SET: variants seen among roughly 807,000 people sequenced by gnomAD.
The protein encoded by SET is protein SET.
SET carries 4 observed loss-of-function variants against 39.0 expected under a neutral mutation model. That is an observed-to-expected ratio of 0.10 (90% CI 0.05 to 0.23). The LOEUF (loss-of-function observed/expected upper bound fraction) is 0.23. Ranked by LOEUF, SET falls within the 10% of genes least tolerant of loss-of-function variation. The pLI is 1.00. For synonymous variants in SET, 114 were observed against 115.9 expected (o/e 0.98, Z 0.11); for missense variants, 137 against 329.7 (o/e 0.42, Z 4.53).
intron 1 of SET, chr9:128,684,153 TGAA>T (rs1861209854): frequency 1.5e-6 from 1 of 660,188 alleles, no homozygotes; most frequent in East Asian, 2.9e-5. Flanking sequence ...TAAGTTTGCG[TGAA>T]GAACCAGAAG....
In SET at chr9:128,692,732, T is replaced by C. The variant is rs1263761401; in HGVS notation, c.345T>C (p.Phe115=). The change falls in exon 4 of 8, where the codon TTT becomes TTC. Residue 115 remains phenylalanine, a synonymous_variant. Coordinates refer to ENST00000322030, the MANE Select transcript of SET (RefSeq NM_003011.4). ...HYLTRVEVTE[F]EDIKSGYRID... ...TGACCAGAGTTGAAGTGACAGAATT[T>C]GAAGATATTAAATCAGGTTACAGAA... 2.5e-6 allele frequency: 4 copies of C among 1,610,986 alleles called. No individual in the cohort carries two copies. The South Asian group carries it at 4.4e-5, about 18-fold the overall frequency.
chr9:128,684,030 A>G (rs746524540), intron 1 of SET: 2 of 1,506,878 alleles, frequency 1.3e-6, no homozygotes, highest in Middle Eastern at 1.7e-4. Flanking sequence ...GCTAAGTTTT[A>G]TTGGAGATTT....
At position 128,691,165 on chromosome 9, in the gene SET, T is replaced by G; in HGVS notation, c.74-5T>G. ...AGAATTAAGTTTTTTGCTCCTTTTTTGCAGAAAAAGAACAGCAAGAAGCGA... is the reference window on the plus strand; with the variant it reads ...AGAATTAAGTTTTTTGCTCCTTTTTGGCAGAAAAAGAACAGCAAGAAGCGA... On this transcript the variant is annotated splice_polypyrimidine_tract_variant and splice_region_variant and intron_variant, in intron 1 of 7. Coordinates refer to ENST00000322030, the MANE Select transcript of SET (RefSeq NM_003011.4). The G allele has an allele frequency of 6.2e-7, 1 of 1,603,070 alleles. No homozygotes were observed. Among genetic ancestry groups the G allele is most frequent in the Non-Finnish European group, 8.5e-7 (1 of 1,174,794 alleles).
rs1343441522 is a variant in SET at position 128,689,412 on chromosome 9, G to A, written c.-171G>A. 1 of 821,090 alleles carries A rather than the reference G, an allele frequency of 1.2e-6. No homozygotes were observed. The highest frequency in any genetic ancestry group is 1.5e-6 in the Non-Finnish European group (1 of 645,800). 50.9% of individuals were successfully genotyped at this position (821,090 alleles called of 1,614,324 possible). A position where few individuals can be genotyped will look rare whatever the true frequency, so the allele number is the denominator to read the frequency against. ...CCGTCCCTCGGCGTCAGGCCGCGAGGGTAGCGCGCGCGAGCGAGCGAGGGG... is the reference window on the plus strand; with the variant it reads ...CCGTCCCTCGGCGTCAGGCCGCGAGAGTAGCGCGCGCGAGCGAGCGAGGGG... On this transcript the variant is annotated 5_prime_UTR_variant, in exon 1 of 8. Transcript: ENST00000322030.
rs753565206 is a variant in SET at position 128,694,658 on chromosome 9, T to C, written c.828T>C (p.Asp276=). The change falls in exon 8 of 8, where the codon GAT becomes GAC. Residue 276 remains aspartate (D), a synonymous_variant. Coordinates refer to ENST00000322030, the MANE Select transcript of SET (RefSeq NM_003011.4). ...GEEGEEDEGE[D]D is the part of the protein sequence containing the mutation. ...TCTTTCAGGAGGATGAAGGAGAAGA[T>C]GACTAAATAGAACACTGATGGATTC... The C allele has an allele frequency of 2.3e-5, 37 of 1,578,236 alleles. No homozygotes were observed. The Middle Eastern group carries it at 5.3e-4, about 22-fold the overall frequency.
In SET at chr9:128,693,879, G is replaced by GT; in HGVS notation, c.664-17_664-16insT. On this transcript the variant is annotated splice_polypyrimidine_tract_variant and intron_variant, in intron 6 of 7. Coordinates refer to ENST00000322030, the MANE Select transcript of SET (RefSeq NM_003011.4). ...GTTTAAAAATGAGTCCTTATATTGTGCTTTTTTTTTTTTAAGGTTCCCGAT... is the reference window on the plus strand; with the variant it reads ...GTTTAAAAATGAGTCCTTATATTGTGTCTTTTTTTTTTTTAAGGTTCCCGAT... The GT allele has an allele frequency of 6.3e-6, 10 of 1,590,360 alleles. No individual in the cohort carries two copies. The highest frequency in any genetic ancestry group is 8.5e-6 in the Non-Finnish European group (10 of 1,170,768).
At chr9:128,684,890 A>G (rs1409374555), upstream of SET, among the ~76,000 whole-genome samples, 1 of 151,942 alleles carries the variant, frequency 6.6e-6, no homozygotes, top group African/African-American at 2.4e-5. Flanking sequence ...CCTTCCCCCC[A>G]TTAAACTTAG....
upstream of SET, among the ~76,000 whole-genome samples, chr9:128,688,318 GTAT>G (rs756588560): frequency 2.0e-5 from 3 of 152,220 alleles, no homozygotes; most frequent in African/African-American, 7.2e-5. Flanking sequence ...TACTTGAAAA[GTAT>G]TATTTAAACA....
chr9:128,689,463 G>A lies in SET; in HGVS notation c.-120G>A, dbSNP rs949571472. The stretch of plus-strand genomic sequence containing the variant: ...GAGGGAGAGCGAGCGAGCGCCGGGA[G>A]GAGGCGGCCGGACCGAGCGGGCGCC... On this transcript the variant is annotated 5_prime_UTR_variant, in exon 1 of 8. Transcript: ENST00000322030. The A allele has an allele frequency of 1.3e-5, 8 of 603,032 alleles. No individual in the cohort carries two copies. Among genetic ancestry groups the A allele is most frequent in the African/African-American group, 2.0e-5 (1 of 50,544 alleles). The allele number at this position is 603,032 out of a possible 1,614,324, so 37.4% of individuals were successfully genotyped here.
At chr9:128,688,691 C>T (rs368667047), upstream of SET, among the ~76,000 whole-genome samples, 57 of 152,236 alleles carry the variant, frequency 3.7e-4, no homozygotes, top group Non-Finnish European at 7.6e-4. Flanking sequence ...AGGAATGGCC[C>T]TGCGCGCGGA....
intron 2 of SET, 51 bp from the exon 3 acceptor site, chr9:128,691,807 T>C (rs1168620839): frequency 6.5e-7 from 1 of 1,542,104 alleles, no homozygotes; most frequent in South Asian, 1.2e-5. Context: ...CAACCAATTT[T>C]TTAATTTGTT....
chr9:128,692,037 GTGTT>G (rs752095939), intron 3 of SET, 37 bp downstream of exon 3: 4 of 1,603,236 alleles, frequency 2.5e-6, no homozygotes, highest in Admixed American at 3.4e-5. Context: ...AGGATAAACA[GTGTT>G]TGTTAGAATG....
At chr9:128,691,648 C>G (rs1355199423) in intron 2 of SET, among the ~76,000 whole-genome samples, 1 of 152,152 alleles carries the variant, frequency 6.6e-6, no homozygotes, top group Non-Finnish European at 1.5e-5. Flanking sequence ...AGTTTGGGCA[C>G]TCTTAACAGT....
intron 2 of SET, among the ~76,000 whole-genome samples, chr9:128,691,608 G>C (rs551134011): frequency 1.3e-5 from 2 of 152,268 alleles, no homozygotes; most frequent in Admixed American, 1.3e-4. Flanking sequence ...TGGAGTGGGC[G>C]AAGTAAATAC....
At chr9:128,684,979 AG>A, upstream of SET, 2 of 1,404,528 alleles carry the variant, frequency 1.4e-6, no homozygotes, top group Non-Finnish European at 1.9e-6. Context: ...TCTGGCTCAT[AG>A]GGGAGGGTTG....
At chr9:128,683,546 GA>G (rs1008807429), upstream of SET, 1 of 262,146 alleles carries the variant, frequency 3.8e-6, no homozygotes, top group Non-Finnish European at 7.3e-6. Context: ...GGGGGTTTGG[GA>G]ACGAACTGGG....
At chr9:128,691,272 G>A (rs1421527484) in intron 2 of SET, 45 bp downstream of exon 2, 1 of 1,182,334 alleles carries the variant, frequency 8.5e-7, no homozygotes, top group Admixed American at 1.9e-5. Context: ...TCTGAGATGT[G>A]TCTAATAGCC....
intron 5 of SET, 149 bp from the exon 6 acceptor site, chr9:128,693,489 T>C (rs549806253): frequency 1.7e-4 from 147 of 874,784 alleles, no homozygotes; most frequent in Non-Finnish European, 2.3e-4. Flanking sequence ...TGCACAGTTT[T>C]ATAATTGCTC....
chr9:128,693,592 G>T, intron 5 of SET, 46 bp from the exon 6 acceptor site: 2 of 1,521,168 alleles, frequency 1.3e-6, no homozygotes, highest in African/African-American at 1.4e-5. Flanking sequence ...GGGAGTTTGG[G>T]TGTTATGGAG....
Sources: allele counts gnomAD v4.1 joint callset (sites outside exome capture counted in the v4.1 genomes callset), GRCh38; gene constraint gnomAD v4.1.1; transcripts MANE v1.5; gene names NCBI Gene and HGNC (gene_info 2026-07-23, HGNC 2026-07-21).